WDR20: variants seen among roughly 807,000 people sequenced by gnomAD.
The protein encoded by WDR20 is WD repeat-containing protein 20.
In WDR20, 3 loss-of-function variants were observed where a neutral mutation model predicts 38.7. That is an observed-to-expected ratio of 0.08 (90% CI 0.04 to 0.20). WDR20 has a LOEUF of 0.20. WDR20 is among the 10% of genes least tolerant of loss of function. WDR20 has a pLI of 1.00. For synonymous variants in WDR20, 298 were observed against 285.6 expected (o/e 1.04, Z -0.44); for missense variants, 559 against 727.7 (o/e 0.77, Z 2.67).
chr14:102,183,298 G>A (rs556530256), intron 1 of WDR20, among the ~76,000 whole-genome samples: 17 of 152,298 alleles, frequency 1.1e-4, no homozygotes, highest in Admixed American at 9.8e-4. Flanking sequence ...TTCAGCTCAC[G>A]CCTGGTTGGA....
chr14:102,213,666 C>G, downstream of WDR20: 2 of 985,470 alleles, frequency 2.0e-6, no homozygotes, highest in South Asian at 9.4e-5. Flanking sequence ...GGCCAGGCAG[C>G]CATTTCTCCC....
rs757594643 is a variant in WDR20, at chr14:102,209,433, C to T, written c.1263C>T (p.Pro421=). The change falls in exon 3 of 3, where the codon CCC becomes CCT. Residue 421 remains proline, a synonymous_variant. Coordinates refer to ENST00000342702, the MANE Select transcript of WDR20 (RefSeq NM_144574.4). This position sits in a 1 kb window ranked among gnomAD's most constrained non-coding sequence, Gnocchi z 6.0. ...GCAATGGGAACAGTGTTACAACACC[C>T]GGGAACTCTGTGCCGCCTCCTCTGC... ...AGSNGNSVTT[P]GNSVPPPLPR... is the part of the protein sequence containing the mutation. The T allele has an allele frequency of 6.2e-6, 10 of 1,614,022 alleles. No homozygotes were observed. Among genetic ancestry groups the T allele is most frequent in the Middle Eastern group, 1.6e-4 (1 of 6,084 alleles).
At chr14:102,193,169 G>A (rs575397775) in intron 1 of WDR20, among the ~76,000 whole-genome samples, 1 of 148,842 alleles carries the variant, frequency 6.7e-6, no homozygotes, top group Non-Finnish European at 1.5e-5. Flanking sequence ...CTCGTTCTGA[G>A]ATGAATGGCA....
At position 102,221,065 on chromosome 14, in the gene WDR20, T is replaced by TG. The variant is rs1360340431; in HGVS notation, c.1693-1764dup. On this transcript the variant is annotated intron_variant, in intron 3 of 3. Transcript: ENST00000335263. This position sits in a 1 kb window ranked among gnomAD's most constrained non-coding sequence, Gnocchi z 4.8. ...TCACTTGTTTTTAAGTTGTTAAACG[T>TG]GCTCCCGGGAAGCTAAACTTAACAC... is the stretch of plus-strand genomic sequence containing the variant. Among the ~76,000 whole-genome samples the TG allele has an allele frequency of 6.6e-6, 1 of 152,240 alleles. No homozygotes were observed. The highest frequency in any genetic ancestry group is 1.9e-4 in the East Asian group (1 of 5,198).
chr14:102,153,307 C>CT (rs57513596), intron 1 of WDR20, among the ~76,000 whole-genome samples: 92,141 of 128,150 alleles, frequency 0.72, 33,893 homozygotes, highest in East Asian at 0.93. Context: ...AAACCTCTTT[C>CT]TTTTTTTTTT....
downstream of WDR20, among the ~76,000 whole-genome samples, chr14:102,210,856 G>T (rs1416842655): frequency 6.6e-6 from 1 of 152,164 alleles, no homozygotes; most frequent in African/African-American, 2.4e-5. Flanking sequence ...CATGGCCCTC[G>T]TTTGGGCTTC....
intron 1 of WDR20, among the ~76,000 whole-genome samples, chr14:102,166,904 G>A (rs1596150616): frequency 6.6e-6 from 1 of 152,050 alleles, no homozygotes; most frequent in Admixed American, 6.5e-5. Context: ...CATCTCACCT[G>A]GGCACTGTAC....
intron 1 of WDR20, among the ~76,000 whole-genome samples, chr14:102,190,060 C>T (rs1220041139): frequency 6.6e-6 from 1 of 152,104 alleles, no homozygotes; most frequent in Non-Finnish European, 1.5e-5. Flanking sequence ...CTGCTCTGGC[C>T]ATTGCTTATG....
At chr14:102,196,664 C>T (rs1596666721) in intron 2 of WDR20, among the ~76,000 whole-genome samples, 1 of 152,028 alleles carries the variant, frequency 6.6e-6, no homozygotes, top group African/African-American at 2.4e-5. Context: ...AGGGGGAGGG[C>T]AGGGAGTTGG....
intron 1 of WDR20, among the ~76,000 whole-genome samples, chr14:102,163,117 A>G (rs956735766): frequency 1.4e-4 from 21 of 152,124 alleles, no homozygotes; most frequent in African/African-American, 5.1e-4. Flanking sequence ...GAGATCATGA[A>G]GGCTCTGCCC....
At position 102,222,362 on chromosome 14, in the gene WDR20, A is replaced by G. The variant is rs891904196; in HGVS notation, c.1693-468A>G. ...CAAAGCAAGAACCCCCCAGCAGAGAATGCCCTTTCAAAGGTGCCACTGAAC... is the reference window on the plus strand; with the variant it reads ...CAAAGCAAGAACCCCCCAGCAGAGAGTGCCCTTTCAAAGGTGCCACTGAAC... On this transcript the variant is annotated intron_variant, in intron 3 of 3. Coordinates refer to the WDR20 transcript ENST00000335263. This position sits in a 1 kb window ranked among gnomAD's most constrained non-coding sequence, Gnocchi z 4.4. 2.0e-5 allele frequency among the ~76,000 whole-genome samples: 3 copies of G among 152,216 alleles called. No homozygotes were observed. Among genetic ancestry groups the G allele is most frequent in the African/African-American group, 7.2e-5 (3 of 41,456 alleles).
At chr14:102,163,835 C>A (rs1314469133) in intron 1 of WDR20, among the ~76,000 whole-genome samples, 1 of 152,028 alleles carries the variant, frequency 6.6e-6, no homozygotes, top group Non-Finnish European at 1.5e-5. Flanking sequence ...GGAGAAAATG[C>A]TTGCACTCTC....
intron 1 of WDR20, among the ~76,000 whole-genome samples, chr14:102,180,573 A>G (rs180979606): frequency 3.9e-5 from 6 of 152,296 alleles, no homozygotes; most frequent in African/African-American, 1.4e-4. Context: ...ATTTTGTGAG[A>G]GCAGGGCAAG....
chr14:102,191,000 CAAAA>C (rs552354837), intron 1 of WDR20, among the ~76,000 whole-genome samples: 1 of 91,406 alleles, frequency 1.1e-5, no homozygotes, highest in Non-Finnish European at 2.3e-5. Context: ...GACTCTATCT[CAAAA>C]AAAAAAAAAA....
intron 2 of WDR20, among the ~76,000 whole-genome samples, chr14:102,200,467 T>TTTGTG (rs748066838): frequency 8.5e-5 from 10 of 117,774 alleles, no homozygotes; most frequent in South Asian, 3.2e-4. Context: ...ATTTTTTTTT[T>TTTGTG]TGTGTGTGTG....
downstream of WDR20, among the ~76,000 whole-genome samples, chr14:102,219,847 C>T (rs1041127058): frequency 3.3e-5 from 5 of 152,188 alleles, no homozygotes; most frequent in Non-Finnish European, 7.3e-5. Flanking sequence ...CTACAGAAGA[C>T]GAGAGGAGGA....
downstream of WDR20, chr14:102,210,572 C>A: frequency 1.0e-6 from 1 of 984,532 alleles, no homozygotes; most frequent in Non-Finnish European, 1.2e-6. Context: ...CTAAGATACC[C>A]GTACCTCACT....
In WDR20 at chr14:102,140,060, A is replaced by C; in HGVS notation, c.137A>C (p.Asn46Thr). The change falls in exon 1 of 3, where the codon AAC becomes ACC. Residue 46 changes from asparagine (N) to threonine (T), a missense_variant. Coordinates refer to ENST00000342702, the MANE Select transcript of WDR20 (RefSeq NM_144574.4). ...NRVPFNSQGS[N>T]PVRVSFVNLN... is the part of the protein sequence containing the mutation. ...GTGCCCTTCAACTCGCAGGGATCCAACCCTGTCCGCGTCTCCTTCGTAAAC... is the reference window on the plus strand; with the variant it reads ...GTGCCCTTCAACTCGCAGGGATCCACCCCTGTCCGCGTCTCCTTCGTAAAC... 6.2e-7 allele frequency: 1 copy of C among 1,614,162 alleles called. No individual in the cohort carries two copies. Among genetic ancestry groups the C allele is most frequent in the East Asian group, 2.2e-5 (1 of 44,872 alleles).
At chr14:102,195,185 T>C in intron 2 of WDR20, 65 bp downstream of exon 2, 1 of 1,554,980 alleles carries the variant, frequency 6.4e-7, no homozygotes, top group Non-Finnish European at 8.7e-7. Context: ...TTACCGAGGG[T>C]AGTCGGCCTT....
Sources: allele counts gnomAD v4.1 joint callset (sites outside exome capture counted in the v4.1 genomes callset), GRCh38; gene constraint gnomAD v4.1.1; non-coding constraint Gnocchi (gnomAD v3.1); transcripts MANE v1.5; gene names NCBI Gene and HGNC (gene_info 2026-07-23, HGNC 2026-07-21).